Variants in SLC17A4 observed in about 807,000 individuals in gnomAD.
The protein encoded by SLC17A4 is solute carrier family 17 member 4, also known as probable small intestine urate exporter.
SLC17A4 carries 33 observed loss-of-function variants against 52.5 expected under a neutral mutation model. That is an observed-to-expected ratio of 0.63 (90% CI 0.48 to 0.84). SLC17A4 has a LOEUF of 0.84. Among genes scored for constraint, SLC17A4 ranks in the 40% least tolerant of loss-of-function variants. SLC17A4 has a pLI of 0.00. For synonymous variants in SLC17A4, 225 were observed against 216.2 expected, an observed-to-expected ratio of 1.04 and a Z score of -0.36; for missense variants, 585 against 597.1, an observed-to-expected ratio of 0.98 and a Z score of 0.21.
At chr6:25,760,129 T>A (rs1761408282) in intron 1 of SLC17A4, among the ~76,000 whole-genome samples, 1 of 152,254 alleles carries the variant, frequency 6.6e-6, no homozygotes, top group Non-Finnish European at 1.5e-5. Flanking sequence ...TTAAAATGTT[T>A]ATGAAAACTG....
At chr6:25,757,367 A>C (rs372071018) in intron 1 of SLC17A4, among the ~76,000 whole-genome samples, 2 of 152,040 alleles carry the variant, frequency 1.3e-5, no homozygotes, top group East Asian at 3.9e-4. Context: ...TTATTCCTTT[A>C]CATCTGCTTG....
At chr6:25,770,649 G>A (rs1030033879) in intron 5 of SLC17A4, among the ~76,000 whole-genome samples, 178 bp downstream of exon 5, 3 of 152,154 alleles carry the variant, frequency 2.0e-5, no homozygotes, top group Admixed American at 2.0e-4. Context: ...CTTACTATGT[G>A]CCAAACATTC....
chr6:25,776,603 C>A lies in SLC17A4; in HGVS notation c.996C>A (p.Ile332=). The change falls in exon 9 of 12, where the codon ATC becomes ATA. Residue 332 remains isoleucine (I), a synonymous_variant. Coordinates refer to ENST00000377905, the MANE Select transcript of SLC17A4 (RefSeq NM_005495.3). The stretch of plus-strand genomic sequence containing the variant: ...TAGTCTCTGGTCCTCAGAGTGGGAT[C>A]CTGTCTGCCTTGCCGTTTGTTGTTG... ...VLQANLRDSG[I]LSALPFVVGC... 2 of 1,604,564 alleles carry A rather than the reference C, an allele frequency of 1.2e-6. No individual in the cohort carries two copies. Among genetic ancestry groups the A allele is most frequent in the Admixed American group, 1.7e-5 (1 of 59,614 alleles).
intron 2 of SLC17A4, among the ~76,000 whole-genome samples, chr6:25,763,331 A>G (rs918714334): frequency 3.3e-5 from 5 of 152,128 alleles, no homozygotes; most frequent in Non-Finnish European, 7.3e-5. Flanking sequence ...GTCTCATCCT[A>G]CCTAATAAGG....
chr6:25,757,582 G>A (rs917611283), intron 1 of SLC17A4, among the ~76,000 whole-genome samples: 1 of 152,094 alleles, frequency 6.6e-6, no homozygotes, highest in African/African-American at 2.4e-5. Flanking sequence ...GTTTGGGCCT[G>A]GGGAGGGAAG....
At chr6:25,777,683 A>T (rs1013873376) in intron 10 of SLC17A4, 1 of 392,134 alleles carries the variant, frequency 2.6e-6, no homozygotes, top group Non-Finnish European at 4.6e-6. Context: ...AATAGAGGTT[A>T]CCCCCTTGGG....
At position 25,770,264 on chromosome 6, in the gene SLC17A4, G is replaced by T; in HGVS notation, c.495G>T (p.Leu165Phe). ...IPLAANAGVA[L>F]LIVLRIVQGI... is the part of the protein sequence containing the mutation. ...TGGCAGCTAATGCGGGAGTGGCCTT[G>T]CTCATTGTCCTCCGGATTGTACAAG... is the stretch of plus-strand genomic sequence containing the variant. The change falls in exon 4 of 12, where the codon TTG becomes TTT. Residue 165 changes from leucine to phenylalanine, a missense_variant. By Grantham distance (22) the Leu-to-Phe change is conservative (BLOSUM62 0). Transcript: ENST00000377905. The T allele has an allele frequency of 1.2e-6, 2 of 1,614,124 alleles. No homozygotes were observed. Among genetic ancestry groups the T allele is most frequent in the Non-Finnish European group, 1.7e-6 (2 of 1,180,004 alleles).
Position 25,770,960 on chromosome 6 carries a change from T to C in SLC17A4, c.654T>C (p.Ala218=). ...TGGGGTCCTTCATTGTTCTACTTGCTGGTGGTCTCCTCTGCCAGACCATAG... is the reference window on the plus strand; with the variant it reads ...TGGGGTCCTTCATTGTTCTACTTGCCGGTGGTCTCCTCTGCCAGACCATAG... ...SMLGSFIVLL[A]GGLLCQTIGW... The change falls in exon 6 of 12, where the codon GCT becomes GCC. Residue 218 remains alanine (A), a synonymous_variant. Coordinates refer to ENST00000377905, the MANE Select transcript of SLC17A4 (RefSeq NM_005495.3). 6.2e-7 allele frequency: 1 copy of C among 1,613,930 alleles called. No homozygotes were observed.
chr6:25,779,685 G>A lies in SLC17A4; in HGVS notation c.*497G>A, dbSNP rs1763208835. On this transcript the variant is annotated 3_prime_UTR_variant, in exon 12 of 12. Transcript: ENST00000377905. ...AGGAATGAACGTGTCTGCAACTAATGGGAGCAAGATAGTACACTTTAACTC... is the reference window on the plus strand; with the variant it reads ...AGGAATGAACGTGTCTGCAACTAATAGGAGCAAGATAGTACACTTTAACTC... 6.5e-6 allele frequency: 1 copy of A among 153,594 alleles called. No homozygotes were observed. Among genetic ancestry groups the A allele is most frequent in the Non-Finnish European group, 1.4e-5 (1 of 69,136 alleles). The allele number at this position is 153,594 out of a possible 1,614,324, so 9.5% of individuals were successfully genotyped here.
intron 2 of SLC17A4, among the ~76,000 whole-genome samples, chr6:25,767,807 C>T (rs1283376128): frequency 1.3e-5 from 2 of 152,032 alleles, no homozygotes; most frequent in Admixed American, 1.3e-4. Context: ...GTGTTGCAAA[C>T]GGTAAACATA....
chr6:25,779,101 T>C lies in SLC17A4; in HGVS notation c.1407T>C (p.Val469=), dbSNP rs775162186. 2 of 1,613,816 alleles carry C rather than the reference T, an allele frequency of 1.2e-6. No homozygotes were observed. The highest frequency in any genetic ancestry group is 2.7e-5 in the African/African-American group (2 of 74,920). Residue 469 remains valine (V), a synonymous_variant, in exon 12 of 12, where the codon GTT becomes GTC. Coordinates refer to ENST00000377905, the MANE Select transcript of SLC17A4 (RefSeq NM_005495.3). The part of the protein sequence containing the change: ...WRNVFLLSAA[V]NISGLVFYLI... ...ATGTCTTCTTGCTTTCAGCTGCTGT[T>C]AACATATCGGGCCTGGTTTTCTACC...
chr6:25,755,975 C>T (rs1019847299), intron 1 of SLC17A4, among the ~76,000 whole-genome samples: 3 of 152,204 alleles, frequency 2.0e-5, no homozygotes, highest in Non-Finnish European at 4.4e-5. Context: ...ATCTCCAAAA[C>T]AGGTCCTGAA....
Position 25,773,311 on chromosome 6 carries a change from C to T in SLC17A4, c.743C>T (p.Pro248Leu), listed in dbSNP as rs1291457740. The T allele has an allele frequency of 1.2e-6, 2 of 1,613,926 alleles. No homozygotes were observed. The highest frequency in any genetic ancestry group is 1.7e-6 in the Non-Finnish European group (2 of 1,179,860). Residue 248 changes from proline (P) to leucine (L), a missense_variant, in exon 7 of 12, where the codon CCT becomes CTT. Coordinates refer to ENST00000377905, the MANE Select transcript of SLC17A4 (RefSeq NM_005495.3). ...TGTGCTTGTTGTCCTCTCTGGTTTC[C>T]TCTCATTTATGATGATCCTGTGAAT... ...IGCACCPLWF[P>L]LIYDDPVNHP...
At chr6:25,759,961 T>A (rs1010953338) in intron 1 of SLC17A4, among the ~76,000 whole-genome samples, 3 of 152,246 alleles carry the variant, frequency 2.0e-5, no homozygotes, top group Non-Finnish European at 4.4e-5. Context: ...AATATTGCTT[T>A]AAGGAATGTC....
At chr6:25,768,104 G>T (rs1762170284) in intron 2 of SLC17A4, among the ~76,000 whole-genome samples, 1 of 152,302 alleles carries the variant, frequency 6.6e-6, no homozygotes, top group Non-Finnish European at 1.5e-5. Context: ...CAATATGACT[G>T]ATCAAAATTC....
At chr6:25,762,636 A>G (rs1369500305) in intron 2 of SLC17A4, among the ~76,000 whole-genome samples, 3 of 152,206 alleles carry the variant, frequency 2.0e-5, no homozygotes, top group Non-Finnish European at 4.4e-5. Context: ...TCAAAAGGCA[A>G]AACCCTAACC....
At chr6:25,762,416 C>T (rs752304364) in intron 2 of SLC17A4, among the ~76,000 whole-genome samples, 17 of 152,206 alleles carry the variant, frequency 1.1e-4, no homozygotes, top group Middle Eastern at 6.8e-3. Flanking sequence ...CAGACCTGAC[C>T]CCGAACCCCA....
At chr6:25,766,526 A>G (rs1447754913) in intron 2 of SLC17A4, among the ~76,000 whole-genome samples, 1 of 152,158 alleles carries the variant, frequency 6.6e-6, no homozygotes, top group Admixed American at 6.5e-5. Flanking sequence ...AAAAAGAAAA[A>G]AGAGAGTAAT....
intron 1 of SLC17A4, among the ~76,000 whole-genome samples, chr6:25,760,756 T>C (rs1761460671): frequency 6.6e-6 from 1 of 152,156 alleles, no homozygotes; most frequent in Non-Finnish European, 1.5e-5. Context: ...TCACTTAGTT[T>C]CAAATTTTAA....
Sources: allele counts gnomAD v4.1 joint callset (sites outside exome capture counted in the v4.1 genomes callset), GRCh38; gene constraint gnomAD v4.1.1; transcripts MANE v1.5; gene names NCBI Gene and HGNC (gene_info 2026-07-23, HGNC 2026-07-21).